ANKRD24: variants seen among roughly 807,000 people sequenced by gnomAD.
ANKRD24 encodes ankyrin repeat domain 24.
A neutral mutation model predicts 127.8 loss-of-function variants in ANKRD24; 109 were observed. The ratio of observed to expected loss-of-function variants is 0.85; its 90% confidence interval spans 0.73 to 1.00. The LOEUF (loss-of-function observed/expected upper bound fraction) is 1.00, where lower values mean the gene tolerates loss of function less well. Among genes scored for constraint, ANKRD24 ranks in the 50% least tolerant of loss-of-function variants. The pLI is 0.00. For synonymous variants in ANKRD24, 743 were observed against 671.1 expected (o/e 1.11, Z -1.66); for missense variants, 1,648 against 1,570.2 (o/e 1.05, Z -0.84).
Position 4,217,127 on chromosome 19 carries a change from G to C in ANKRD24, c.1967G>C (p.Gly656Ala). Residue 656 changes from glycine (G) to alanine (A), a missense_variant, in exon 18 of 22, where the codon GGA (glycine) becomes GCA (alanine). Coordinates refer to ENST00000318934, the MANE Select transcript of ANKRD24 (RefSeq NM_001393985.1). ...GAGGAAGCAGAAATGCAGGCCTACG[G>C]AGTGGGTGCTGGGCAAGCAGAGCCC... ...KAEEAEMQAYGVGAGQAEPPV... is the reference protein window; with the variant it reads ...KAEEAEMQAYAVGAGQAEPPV... 6.2e-7 allele frequency: 1 copy of C among 1,613,728 alleles called. No individual in the cohort carries two copies. Among genetic ancestry groups the C allele is most frequent in the Non-Finnish European group, 8.5e-7 (1 of 1,179,832 alleles).
In ANKRD24 at chr19:4,216,606, G is replaced by C. The variant is rs781276126; in HGVS notation, c.1446G>C (p.Glu482Asp). Residue 482 changes from glutamate to aspartate, a missense_variant, in exon 18 of 22, where the codon GAG (glutamate) becomes GAC (aspartate). Transcript: ENST00000318934. ...ETQMEVEALA[E>D]VIPLALYDSL... is the part of the protein sequence containing the mutation. ...AGATGGAAGTGGAAGCTTTGGCAGA[G>C]GTCATCCCTCTTGCCCTCTATGACT... The C allele has an allele frequency of 2.5e-6, 4 of 1,611,724 alleles. No homozygotes were observed. The highest frequency in any genetic ancestry group is 3.4e-6 in the Non-Finnish European group (4 of 1,179,070).
Position 4,207,954 on chromosome 19 carries a change from C to T in ANKRD24, c.818C>T (p.Pro273Leu), listed in dbSNP as rs867331343. ...LHLLQEAAQRPSPPSALTEDD... is the reference protein window; with the variant it reads ...LHLLQEAAQRLSPPSALTEDD... ...CTTCTGCAAGAGGCGGCCCAGCGCC[C>T]CTCCCCACCCAGCGGTATGCAAGCC... Residue 273 changes from proline to leucine, a missense_variant, in exon 10 of 22, where the codon CCC (proline) becomes CTC (leucine). Coordinates refer to ENST00000318934, the MANE Select transcript of ANKRD24 (RefSeq NM_001393985.1). 6 of 1,507,948 alleles carry T rather than the reference C, an allele frequency of 4.0e-6. No homozygotes were observed. The highest frequency in any genetic ancestry group is 2.4e-5 in the East Asian group (1 of 41,900). 93.4% of individuals were successfully genotyped at this position (1,507,948 alleles called of 1,614,324 possible).
At chr19:4,191,764 G>A (rs1007831701) in intron 2 of ANKRD24, among the ~76,000 whole-genome samples, 1 of 149,154 alleles carries the variant, frequency 6.7e-6, no homozygotes, top group Non-Finnish European at 1.5e-5. Flanking sequence ...TTACAGACGT[G>A]AACCACCGTC....
intron 15 of ANKRD24, among the ~76,000 whole-genome samples, chr19:4,213,120 G>C (rs2145363645): frequency 6.6e-6 from 1 of 152,176 alleles, no homozygotes; most frequent in African/African-American, 2.4e-5. Context: ...GACAGAGCGA[G>C]ACTCAGTCTC....
intron 19 of ANKRD24, among the ~76,000 whole-genome samples, chr19:4,220,461 G>C (rs568481484): frequency 6.8e-6 from 1 of 146,694 alleles, no homozygotes; most frequent in African/African-American, 2.8e-5. Context: ...TTGTACCCAC[G>C]TTCCCACGTT....
Position 4,202,031 on chromosome 19 carries a change from A to G in ANKRD24, c.349A>G (p.Asn117Asp). 6.2e-7 allele frequency: 1 copy of G among 1,613,756 alleles called. No individual in the cohort carries two copies. Among genetic ancestry groups the G allele is most frequent in the Non-Finnish European group, 8.5e-7 (1 of 1,179,778 alleles). The change falls in exon 6 of 22, where the codon AAT becomes GAT. Residue 117 changes from asparagine to aspartate, a missense_variant. Transcript: ENST00000318934. The part of the protein sequence containing the change: ...NVMSADGAGY[N>D]ALHLAAKYGH... ...AATCTTCTTTCCTTCCCCAGGTTAC[A>G]ATGCCCTCCACCTGGCCGCCAAATA...
intron 15 of ANKRD24, among the ~76,000 whole-genome samples, chr19:4,214,053 C>A (rs188135734): frequency 5.6e-4 from 85 of 152,308 alleles, no homozygotes; most frequent in African/African-American, 1.9e-3. Flanking sequence ...TTTACAGACA[C>A]GCAAGAAACA....
Position 4,217,729 on chromosome 19 carries a change from C to G in ANKRD24, c.2569C>G (p.Leu857Val). Residue 857 changes from leucine (L) to valine (V), a missense_variant, in exon 18 of 22, where the codon CTG becomes GTG. Coordinates refer to ENST00000318934, the MANE Select transcript of ANKRD24 (RefSeq NM_001393985.1). Reference sequence around the variant, plus strand: ...GGAGCTGGAGGTTCTGCGGGAGCAGCTGGCCACGGCCAGGGCCACGGGGGA... The same window carrying G: ...GGAGCTGGAGGTTCTGCGGGAGCAGGTGGCCACGGCCAGGGCCACGGGGGA... ...SRELEVLREQ[L>V]ATARATGEQQ... The G allele has an allele frequency of 7.7e-7, 1 of 1,292,946 alleles. No individual in the cohort carries two copies. The highest frequency in any genetic ancestry group is 1.6e-5 in the African/African-American group (1 of 63,738). 80.1% of individuals were successfully genotyped at this position (1,292,946 alleles called of 1,614,324 possible). A position where few individuals can be genotyped will look rare whatever the true frequency, so the allele number is the denominator to read the frequency against.
At chr19:4,193,627 C>A (rs1968510580) in intron 2 of ANKRD24, among the ~76,000 whole-genome samples, 3 of 151,846 alleles carry the variant, frequency 2.0e-5, no homozygotes, top group Admixed American at 6.6e-5. Context: ...CACCTGAGAT[C>A]AGGAGTTCAA....
intron 20 of ANKRD24, among the ~76,000 whole-genome samples, chr19:4,223,394 TATATATA>T (rs201487039): frequency 0.06 from 4,147 of 69,040 alleles, 141 homozygotes; most frequent in Non-Finnish European, 0.077. Flanking sequence ...TATATATATA[TATATATA>T]TTTTTTTTTT....
At chr19:4,213,007 T>C (rs1172883080) in intron 15 of ANKRD24, among the ~76,000 whole-genome samples, 1 of 152,146 alleles carries the variant, frequency 6.6e-6, no homozygotes. Context: ...GGTGCGCGCC[T>C]GTAGTCCCAG....
rs58639859 is a variant in ANKRD24, at chr19:4,197,654, C to CGAAT, written c.37-2011_37-2008dup. ...GTGAACGAATGAACGAGTAAATGAACGAATGAATGAATGAATGAATGGGTG... is the reference window on the plus strand; with the variant it reads ...GTGAACGAATGAACGAGTAAATGAACGAATGAATGAATGAATGAATGAATGGGTG... On this transcript the variant is annotated intron_variant, in intron 2 of 21. Transcript: ENST00000318934. Among the ~76,000 whole-genome samples the CGAAT allele has an allele frequency of 1.1e-4, 17 of 151,136 alleles. No homozygotes were observed. The South Asian group carries it at 1.9e-3, about 17-fold the overall frequency.
rs1968885031 is a variant in ANKRD24 at position 4,198,380 on chromosome 19, T to TCCGGCAGCGC, written c.37-1300_37-1291dup. ...CGGGCGGGCGGGCGGGGCGGGGAGCTCCGGCAGCGCCCAGCCCCGCCCTCC... is the reference window on the plus strand; with the variant it reads ...CGGGCGGGCGGGCGGGGCGGGGAGCTCCGGCAGCGCCCGGCAGCGCCCAGCCCCGCCCTCC... On this transcript the variant is annotated intron_variant, in intron 2 of 21. Coordinates refer to ENST00000318934, the MANE Select transcript of ANKRD24 (RefSeq NM_001393985.1). The surrounding 1 kb of genome is among the most constrained non-coding windows in gnomAD (Gnocchi z 6.1). 3 of 420,992 alleles carry TCCGGCAGCGC rather than the reference T, an allele frequency of 7.1e-6. No individual in the cohort carries two copies. In the Admixed American group the frequency reaches 1.3e-4, roughly 19 times the overall value. 26.1% of individuals were successfully genotyped at this position (420,992 alleles called of 1,614,324 possible). A position where few individuals can be genotyped will look rare whatever the true frequency, so the allele number is the denominator to read the frequency against.
At chr19:4,212,740 G>A (rs1450134531) in intron 15 of ANKRD24, 42 bp downstream of exon 15, 10 of 1,520,954 alleles carry the variant, frequency 6.6e-6, no homozygotes, top group Non-Finnish European at 8.9e-6. Flanking sequence ...GGGCTGGGTC[G>A]GGGAACTTCT....
intron 6 of ANKRD24, among the ~76,000 whole-genome samples, chr19:4,202,336 G>T (rs1387811284): frequency 6.6e-6 from 1 of 152,130 alleles, no homozygotes; most frequent in South Asian, 2.1e-4. Context: ...GGGAGGCTGA[G>T]GTCGGTGAAA....
intron 19 of ANKRD24, among the ~76,000 whole-genome samples, chr19:4,221,187 C>T (rs925008341): frequency 6.6e-6 from 1 of 151,970 alleles, no homozygotes; most frequent in Non-Finnish European, 1.5e-5. Flanking sequence ...AAGAGATTCT[C>T]CTGCCTAGCC....
At chr19:4,210,239 A>G (rs1371059595) in intron 12 of ANKRD24, 26 bp from the exon 13 acceptor site, 2 of 1,564,330 alleles carry the variant, frequency 1.3e-6, no homozygotes, top group South Asian at 1.2e-5. Flanking sequence ...GGCCCCATCT[A>G]AAGGCCGTGG....
chr19:4,211,585 A>G (rs970809835), intron 13 of ANKRD24, among the ~76,000 whole-genome samples: 14 of 151,978 alleles, frequency 9.2e-5, no homozygotes, highest in African/African-American at 3.4e-4. Flanking sequence ...CAGAGGTTGC[A>G]GTGAGCCAAG....
rs917018002 is a variant in ANKRD24 at position 4,195,236 on chromosome 19, C to T, written c.37-4447C>T. On this transcript the variant is annotated intron_variant, in intron 2 of 21. Transcript: ENST00000318934. This position sits in a 1 kb window ranked among gnomAD's most constrained non-coding sequence, Gnocchi z 4.2. ...TACAGGCGCCCACCACCACGCCCGG[C>T]TAATTTTTTGTATTTTTAGTAGAGA... Among the ~76,000 whole-genome samples the T allele has an allele frequency of 3.9e-5, 6 of 152,120 alleles. No homozygotes were observed. The highest frequency in any genetic ancestry group is 8.8e-5 in the Non-Finnish European group (6 of 68,004).
Sources: allele counts gnomAD v4.1 joint callset (sites outside exome capture counted in the v4.1 genomes callset), GRCh38; gene constraint gnomAD v4.1.1; non-coding constraint Gnocchi (gnomAD v3.1); transcripts MANE v1.5; gene names NCBI Gene and HGNC (gene_info 2026-07-23, HGNC 2026-07-21).